The following ZNF865 variants were observed in gnomAD, a reference collection of about 807,000 sequenced individuals.
ZNF865 encodes zinc finger protein 865.
For missense variants in ZNF865, 1,311 were observed against 1,593.4 expected, an observed-to-expected ratio of 0.82 and a Z score of 3.02; for synonymous variants, 763 against 750.8, an observed-to-expected ratio of 1.02 and a Z score of -0.27.
In ZNF865 at chr19:55,615,909, T is replaced by C. The variant is rs1288220745; in HGVS notation, c.2291T>C (p.Leu764Pro). Residue 764 changes from leucine (L) to proline (P), a missense_variant, in exon 2 of 2, where the codon CTG becomes CCG. By Grantham distance (98) the Leu-to-Pro change is moderately conservative. Transcript: ENST00000568956. ...AGEVGAAVAA[L>P]AGVSGGEDAG... ...GAGGTGGGGGCGGCCGTGGCGGCACTGGCAGGGGTGTCTGGGGGTGAGGAC... is the reference window on the plus strand; with the variant it reads ...GAGGTGGGGGCGGCCGTGGCGGCACCGGCAGGGGTGTCTGGGGGTGAGGAC... 1.4e-6 allele frequency: 2 copies of C among 1,477,186 alleles called. No homozygotes were observed. Among genetic ancestry groups the C allele is most frequent in the Non-Finnish European group, 1.8e-6 (2 of 1,121,622 alleles). The allele number at this position is 1,477,186 out of a possible 1,614,324, so 91.5% of individuals were successfully genotyped here. A position where few individuals can be genotyped will look rare whatever the true frequency, so the allele number is the denominator to read the frequency against.
At chr19:55,606,458 T>G (rs1049905430) in intron 1 of ZNF865, among the ~76,000 whole-genome samples, 2 of 152,152 alleles carry the variant, frequency 1.3e-5, no homozygotes, top group African/African-American at 4.8e-5. Flanking sequence ...CAGGCTCCCA[T>G]GACATACTCC....
intron 1 of ZNF865, among the ~76,000 whole-genome samples, chr19:55,612,151 G>A (rs1981160602): frequency 6.6e-6 from 1 of 152,194 alleles, no homozygotes; most frequent in Admixed American, 6.5e-5. Flanking sequence ...TTCTGCTGAT[G>A]CATGTGTTTC....
chr19:55,614,845 C>T lies in ZNF865; in HGVS notation c.1227C>T (p.Cys409=). 8 of 1,528,948 alleles carry T rather than the reference C, an allele frequency of 5.2e-6. No homozygotes were observed. Among genetic ancestry groups the T allele is most frequent in the Non-Finnish European group, 7.0e-6 (8 of 1,143,108 alleles). 94.7% of individuals were successfully genotyped at this position (1,528,948 alleles called of 1,614,324 possible). A position where few individuals can be genotyped will look rare whatever the true frequency, so the allele number is the denominator to read the frequency against. Reference sequence around the variant, plus strand: ...CGGCCGACCTCCTGCGCCTGCCCTGCGGCATCTGCGGGAAGGCCTTCCGCG... The same window carrying T: ...CGGCCGACCTCCTGCGCCTGCCCTGTGGCATCTGCGGGAAGGCCTTCCGCG... The part of the protein sequence containing the change: ...THSADLLRLP[C]GICGKAFRDA... Residue 409 remains cysteine (C), a synonymous_variant, in exon 2 of 2, where the codon TGC becomes TGT. Coordinates refer to ENST00000568956, the MANE Select transcript of ZNF865 (RefSeq NM_001195605.2). This position sits in a 1 kb window ranked among gnomAD's most constrained non-coding sequence, Gnocchi z 8.0.
chr19:55,611,866 G>C lies in ZNF865; in HGVS notation c.-26-1727G>C, dbSNP rs565422542. ...AGGCCAGCAAGTAGACCAAGAACTCGGAGATCAGTTACGGGTGCTGAGGGT... is the reference window on the plus strand; with the variant it reads ...AGGCCAGCAAGTAGACCAAGAACTCCGAGATCAGTTACGGGTGCTGAGGGT... On this transcript the variant is annotated intron_variant, in intron 1 of 1. Coordinates refer to ENST00000568956, the MANE Select transcript of ZNF865 (RefSeq NM_001195605.2). This position sits in a 1 kb window ranked among gnomAD's most constrained non-coding sequence, Gnocchi z 4.5. Among the ~76,000 whole-genome samples, 1 of 152,176 alleles carries C rather than the reference G, an allele frequency of 6.6e-6. No individual in the cohort carries two copies. Among genetic ancestry groups the C allele is most frequent in the Non-Finnish European group, 1.5e-5 (1 of 68,038 alleles).
chr19:55,605,697 C>T lies in ZNF865; in HGVS notation c.-62C>T, dbSNP rs977375543. 18 of 152,002 alleles carry T rather than the reference C, an allele frequency of 1.2e-4. No homozygotes were observed. Among genetic ancestry groups the T allele is most frequent in the Admixed American group, 9.2e-4 (14 of 15,268 alleles). The allele number at this position is 152,002 out of a possible 1,614,324, so 9.4% of individuals were successfully genotyped here. On this transcript the variant is annotated 5_prime_UTR_variant, in exon 1 of 2. Transcript: ENST00000568956. ...CCCGGAGCGGCGGCGCCTCCTCCGC[C>T]TCCTCGGCCTCCTCCCGGCGGAGAC...
chr19:55,615,066 C>T lies in ZNF865; in HGVS notation c.1448C>T (p.Pro483Leu). 3 of 1,221,160 alleles carry T rather than the reference C, an allele frequency of 2.5e-6. No homozygotes were observed. The highest frequency in any genetic ancestry group is 3.1e-6 in the Non-Finnish European group (3 of 977,410). 75.6% of individuals were successfully genotyped at this position (1,221,160 alleles called of 1,614,324 possible). ...GACGGGGCGGCCTCGGCCCCGCAGC[C>T]CCCGCCCACCTTCCCCCCGGGCCCG... ...PKDGAASAPQ[P>L]PPTFPPGPYL... Residue 483 changes from proline to leucine, a missense_variant, in exon 2 of 2, where the codon CCC becomes CTC. Coordinates refer to ENST00000568956, the MANE Select transcript of ZNF865 (RefSeq NM_001195605.2).
Position 55,611,113 on chromosome 19 carries a change from G to A in ZNF865, c.-26-2480G>A, listed in dbSNP as rs577826198. Among the ~76,000 whole-genome samples, 21 of 152,270 alleles carry A rather than the reference G, an allele frequency of 1.4e-4. No individual in the cohort carries two copies. The East Asian group carries it at 3.3e-3, about 24-fold the overall frequency. On this transcript the variant is annotated intron_variant, in intron 1 of 1. Transcript: ENST00000568956. This position sits in a 1 kb window ranked among gnomAD's most constrained non-coding sequence, Gnocchi z 4.5. Reference sequence around the variant, plus strand: ...GCCCATTGATCCAGACTCCTACTCCGTGACCATGGCAACTCACTTTGCCTC... The same window carrying A: ...GCCCATTGATCCAGACTCCTACTCCATGACCATGGCAACTCACTTTGCCTC...
At position 55,614,940 on chromosome 19, in the gene ZNF865, A is replaced by C. The variant is rs1036455827; in HGVS notation, c.1322A>C (p.Tyr441Ser). ...GGCGCCGGGGGGCCTCGGCCCGTGT[A>C]CCCCTGCGACCTGTGCGGCAAGTCC... ...GAGAGGPRPV[Y>S]PCDLCGKSYS... Residue 441 changes from tyrosine to serine, a missense_variant, in exon 2 of 2, where the codon TAC becomes TCC. Coordinates refer to ENST00000568956, the MANE Select transcript of ZNF865 (RefSeq NM_001195605.2). The surrounding 1 kb of genome is among the most constrained non-coding windows in gnomAD (Gnocchi z 8.0). 1 of 1,475,354 alleles carries C rather than the reference A, an allele frequency of 6.8e-7. No homozygotes were observed. The highest frequency in any genetic ancestry group is 8.9e-7 in the Non-Finnish European group (1 of 1,119,980). The allele number at this position is 1,475,354 out of a possible 1,614,324, so 91.4% of individuals were successfully genotyped here.
chr19:55,616,831 C>T lies in ZNF865; in HGVS notation c.*33C>T, dbSNP rs966348579. On this transcript the variant is annotated 3_prime_UTR_variant, in exon 2 of 2. Transcript: ENST00000568956. Reference sequence around the variant, plus strand: ...GTTCCCATCCCACTCCCATCAAAAGCCCCCTTCTGGACTCCCACCTCCCAG... The same window carrying T: ...GTTCCCATCCCACTCCCATCAAAAGTCCCCTTCTGGACTCCCACCTCCCAG... The T allele has an allele frequency of 1.4e-6, 2 of 1,432,558 alleles. No homozygotes were observed. Among genetic ancestry groups the T allele is most frequent in the East Asian group, 5.1e-5 (2 of 39,386 alleles). The allele number at this position is 1,432,558 out of a possible 1,614,324, so 88.7% of individuals were successfully genotyped here.
At chr19:55,606,513 A>G (rs1486498426) in intron 1 of ZNF865, among the ~76,000 whole-genome samples, 1 of 152,126 alleles carries the variant, frequency 6.6e-6, no homozygotes, top group African/African-American at 2.4e-5. Context: ...GCCCGTCTTC[A>G]TTACTTCTGC....
In ZNF865 at chr19:55,613,807, C is replaced by T. The variant is rs1415281585; in HGVS notation, c.189C>T (p.Gly63=). The T allele has an allele frequency of 2.7e-6, 4 of 1,488,444 alleles. No homozygotes were observed. Among genetic ancestry groups the T allele is most frequent in the South Asian group, 2.6e-5 (2 of 78,426 alleles). 92.2% of individuals were successfully genotyped at this position (1,488,444 alleles called of 1,614,324 possible). The change falls in exon 2 of 2, where the codon GGC becomes GGT. Residue 63 remains glycine, a synonymous_variant. Coordinates refer to ENST00000568956, the MANE Select transcript of ZNF865 (RefSeq NM_001195605.2). ...KAVAALPCAP[G]PPPQPPPQPP... is the part of the protein sequence containing the mutation. The stretch of plus-strand genomic sequence containing the variant: ...TGGCGGCCCTGCCCTGCGCCCCCGG[C>T]CCCCCGCCGCAGCCCCCGCCGCAGC...
Position 55,616,633 on chromosome 19 carries a change from T to C in ZNF865, c.3015T>C (p.Arg1005=), listed in dbSNP as rs1414013176. Residue 1005 remains arginine, a synonymous_variant, in exon 2 of 2, where the codon CGT becomes CGC. Coordinates refer to ENST00000568956, the MANE Select transcript of ZNF865 (RefSeq NM_001195605.2). ...LKAFKDPGYF[R]KHLAAHQGGR... ...CCTTCAAGGATCCCGGCTACTTCCG[T>C]AAGCACCTGGCTGCCCACCAGGGCG... 4 of 1,527,538 alleles carry C rather than the reference T, an allele frequency of 2.6e-6. No individual in the cohort carries two copies. The Admixed American group carries it at 8.1e-5, about 31-fold the overall frequency. 94.6% of individuals were successfully genotyped at this position (1,527,538 alleles called of 1,614,324 possible). A position where few individuals can be genotyped will look rare whatever the true frequency, so the allele number is the denominator to read the frequency against.
rs959784719 is a variant in ZNF865, at chr19:55,615,159, T to C, written c.1541T>C (p.Val514Ala). The change falls in exon 2 of 2, where the codon GTG becomes GCG. Residue 514 changes from valine to alanine, a missense_variant. By Grantham distance (64) the Val-to-Ala change is moderately conservative (BLOSUM62 0). Transcript: ENST00000568956. ...EKAAAAAAAV[V>A]YGAVPVPLLG... ...GCGGCGGCGGCCGCGGCGGCGGTGG[T>C]GTACGGCGCTGTGCCCGTCCCGCTC... is the stretch of plus-strand genomic sequence containing the variant. 1.0e-4 allele frequency: 129 copies of C among 1,230,890 alleles called. No individual in the cohort carries two copies. Among genetic ancestry groups the C allele is most frequent in the Non-Finnish European group, 1.3e-4 (124 of 989,678 alleles). 76.2% of individuals were successfully genotyped at this position (1,230,890 alleles called of 1,614,324 possible).
rs1981300829 is a variant in ZNF865 at position 55,615,095 on chromosome 19, C to T, written c.1477C>T (p.Leu493Phe). ...GCCCACCTTCCCCCCGGGCCCGTAC[C>T]TCCTGCCCCCCGACCCTCCCACCAC... ...PPPTFPPGPYLLPPDPPTTDS... is the reference protein window; with the variant it reads ...PPPTFPPGPYFLPPDPPTTDS... Residue 493 changes from leucine (L) to phenylalanine (F), a missense_variant, in exon 2 of 2, where the codon CTC (leucine) becomes TTC (phenylalanine). By Grantham distance (22) the Leu-to-Phe change is conservative (BLOSUM62 0). Transcript: ENST00000568956. 3.3e-6 allele frequency: 4 copies of T among 1,202,788 alleles called. 1 individual carries two copies. The highest frequency in any genetic ancestry group is 4.1e-6 in the Non-Finnish European group (4 of 967,540). 74.5% of individuals were successfully genotyped at this position (1,202,788 alleles called of 1,614,324 possible). A position where few individuals can be genotyped will look rare whatever the true frequency, so the allele number is the denominator to read the frequency against.
Position 55,616,596 on chromosome 19 carries a change from C to G in ZNF865, c.2978C>G (p.Ala993Gly), listed in dbSNP as rs1466832532. 3.9e-6 allele frequency: 6 copies of G among 1,528,136 alleles called. No homozygotes were observed. Among genetic ancestry groups the G allele is most frequent in the Non-Finnish European group, 5.2e-6 (6 of 1,143,204 alleles). 94.7% of individuals were successfully genotyped at this position (1,528,136 alleles called of 1,614,324 possible). A position where few individuals can be genotyped will look rare whatever the true frequency, so the allele number is the denominator to read the frequency against. ...EPPRPELRCP[A>G]CLKAFKDPGY... ...CCGCGGCCCGAGCTCCGCTGCCCCG[C>G]CTGCCTCAAGGCCTTCAAGGATCCC... Residue 993 changes from alanine (A) to glycine (G), a missense_variant, in exon 2 of 2, where the codon GCC (alanine) becomes GGC (glycine). By Grantham distance (60) the Ala-to-Gly change is moderately conservative. Coordinates refer to ENST00000568956, the MANE Select transcript of ZNF865 (RefSeq NM_001195605.2).
At chr19:55,612,774 C>G (rs1171372481) in intron 1 of ZNF865, 1 of 152,290 alleles carries the variant, frequency 6.6e-6, no homozygotes. Context: ...TAGGCATGTG[C>G]TTTGTGGTCC....
chr19:55,613,815 C>CCCCG lies in ZNF865; in HGVS notation c.197_198insCCCG (p.Gln67ProfsTer13). 1 of 1,484,584 alleles carries CCCCG rather than the reference C, an allele frequency of 6.7e-7. No individual in the cohort carries two copies. Among genetic ancestry groups the CCCCG allele is most frequent in the South Asian group, 1.3e-5 (1 of 77,828 alleles). 92.0% of individuals were successfully genotyped at this position (1,484,584 alleles called of 1,614,324 possible). A position where few individuals can be genotyped will look rare whatever the true frequency, so the allele number is the denominator to read the frequency against. On this transcript the variant is annotated frameshift_variant, in exon 2 of 2. Coordinates refer to ENST00000568956, the MANE Select transcript of ZNF865 (RefSeq NM_001195605.2). LOFTEE classifies it low-confidence loss of function (END_TRUNC). ...CTGCCCTGCGCCCCCGGCCCCCCGC[C>CCCCG]GCAGCCCCCGCCGCAGCCCCCTCCC... is the stretch of plus-strand genomic sequence containing the variant.
At position 55,611,943 on chromosome 19, in the gene ZNF865, T is replaced by G. The variant is rs939082280; in HGVS notation, c.-26-1650T>G. Among the ~76,000 whole-genome samples, 1 of 151,688 alleles carries G rather than the reference T, an allele frequency of 6.6e-6. No homozygotes were observed. Among genetic ancestry groups the G allele is most frequent in the African/African-American group, 2.4e-5 (1 of 41,238 alleles). On this transcript the variant is annotated intron_variant, in intron 1 of 1. Coordinates refer to ENST00000568956, the MANE Select transcript of ZNF865 (RefSeq NM_001195605.2). This position sits in a 1 kb window ranked among gnomAD's most constrained non-coding sequence, Gnocchi z 4.5. ...GATACCTGCCATCTGGAATGAAAAG[T>G]CGTGTAAAGGAGGTGCCAGAGAATG... is the stretch of plus-strand genomic sequence containing the variant.
Position 55,616,769 on chromosome 19 carries a change from G to T in ZNF865, c.3151G>T (p.Ala1051Ser). 2.8e-6 allele frequency: 4 copies of T among 1,452,092 alleles called. No homozygotes were observed. The highest frequency in any genetic ancestry group is 3.6e-6 in the Non-Finnish European group (4 of 1,108,310). 90.0% of individuals were successfully genotyped at this position (1,452,092 alleles called of 1,614,324 possible). Residue 1051 changes from alanine (A) to serine (S), a missense_variant, in exon 2 of 2, where the codon GCG becomes TCG. Ala to Ser is a moderately conservative substitution (Grantham distance 99, BLOSUM62 1). Coordinates refer to ENST00000568956, the MANE Select transcript of ZNF865 (RefSeq NM_001195605.2). ...AENLGGPGAGAGTLAGKDA is the reference protein window; with the variant it reads ...AENLGGPGAGSGTLAGKDA ...GAACCTCGGGGGGCCTGGAGCAGGGGCGGGCACCTTGGCCGGGAAGGATGC... is the reference window on the plus strand; with the variant it reads ...GAACCTCGGGGGGCCTGGAGCAGGGTCGGGCACCTTGGCCGGGAAGGATGC...
Sources: allele counts gnomAD v4.1 joint callset (sites outside exome capture counted in the v4.1 genomes callset), GRCh38; gene constraint gnomAD v4.1.1; non-coding constraint Gnocchi (gnomAD v3.1); transcripts MANE v1.5; gene names NCBI Gene and HGNC (gene_info 2026-07-23, HGNC 2026-07-21).